CADM2: variants seen among roughly 807,000 people sequenced by gnomAD.
CADM2 encodes the protein cell adhesion molecule 2.
A neutral mutation model predicts 49.8 loss-of-function variants in CADM2; 12 were observed. The observed-to-expected ratio is 0.24, with a 90% CI of 0.15 to 0.39. The LOEUF is 0.39. CADM2 is among the 10% of genes least tolerant of loss of function. The pLI, the probability that CADM2 is intolerant of heterozygous loss-of-function variation, is 1.00. For missense variants in CADM2, 378 were observed against 492.3 expected, an observed-to-expected ratio of 0.77 and a Z score of 2.20; for synonymous variants, 214 against 175.4, an observed-to-expected ratio of 1.22 and a Z score of -1.74.
intron 1 of CADM2, among the ~76,000 whole-genome samples, chr3:85,543,420 A>ATGTGTGTGGGGGGGTGTGTGTGTGTGGG (rs372108050): frequency 7.7e-6 from 1 of 129,584 alleles, no homozygotes; most frequent in Non-Finnish European, 1.7e-5. Context: ...TGCCAAGCTA[A>ATGTGTGTGGGGGGGTGTGTGTGTGTGGG]TGTGTGTGTG....
intron 1 of CADM2, among the ~76,000 whole-genome samples, chr3:85,631,753 C>G (rs1038799520): frequency 6.6e-6 from 1 of 151,756 alleles, no homozygotes; most frequent in Non-Finnish European, 1.5e-5. Flanking sequence ...ATTTTCTTAC[C>G]AATATTGTTT....
intron 5 of CADM2, among the ~76,000 whole-genome samples, chr3:85,902,628 A>T (rs1038882088): frequency 1.6e-4 from 24 of 151,300 alleles, no homozygotes; most frequent in African/African-American, 5.8e-4. Flanking sequence ...TTTTTGTTTT[A>T]TGTTCATTCT....
intron 2 of CADM2, among the ~76,000 whole-genome samples, chr3:85,742,842 G>A (rs1451895159): frequency 3.3e-5 from 5 of 152,102 alleles, no homozygotes; most frequent in Admixed American, 2.6e-4. Context: ...AGCACTTCTC[G>A]AATTCCTATC....
At chr3:86,017,859 ATTTAT>A (rs1228625308) in intron 8 of CADM2, among the ~76,000 whole-genome samples, 5 of 149,266 alleles carry the variant, frequency 3.3e-5, no homozygotes, top group East Asian at 2.0e-4. Context: ...AAAGTCTTTT[ATTTAT>A]TTTATTTTAT....
At chr3:85,159,348 C>T (rs1257393574) in intron 1 of CADM2, among the ~76,000 whole-genome samples, 1 of 136,374 alleles carries the variant, frequency 7.3e-6, no homozygotes, top group African/African-American at 3.7e-5. Flanking sequence ...AATCCATCTT[C>T]CCCAGGAGTT....
chr3:85,370,866 T>C (rs1156879192), intron 1 of CADM2, among the ~76,000 whole-genome samples: 1 of 152,154 alleles, frequency 6.6e-6, no homozygotes, highest in Non-Finnish European at 1.5e-5. Flanking sequence ...GTGATGCTGA[T>C]GATGTCGACC....
rs188463531 is a variant in CADM2, at chr3:85,506,092, G to A, written c.62-220430G>A. On this transcript the variant is annotated intron_variant, in intron 1 of 9. Coordinates refer to ENST00000383699, the MANE Select transcript of CADM2 (RefSeq NM_001167675.2). ...CTGCAATTTCTACTATCAGCACCAGGGTGTACAGAGGAGTAAACTATTTCC... is the reference window on the plus strand; with the variant it reads ...CTGCAATTTCTACTATCAGCACCAGAGTGTACAGAGGAGTAAACTATTTCC... Among the ~76,000 whole-genome samples the A allele has an allele frequency of 3.0e-4, 46 of 152,174 alleles. No individual in the cohort carries two copies. In the East Asian group the frequency reaches 7.5e-3, roughly 25 times the overall value.
rs539673299 is a variant in CADM2, at chr3:85,942,581, G to A, written c.791+6724G>A. ...TTCCCACCTATGAGTGAGAATATGC[G>A]GTGTATGTTTTTTTGTTCTTGCGAT... On this transcript the variant is annotated intron_variant, in intron 7 of 9. Transcript: ENST00000383699. 1.1e-3 allele frequency among the ~76,000 whole-genome samples: 162 copies of A among 149,864 alleles called. 1 individual carries two copies. The highest frequency in any genetic ancestry group is 3.4e-3 in the African/African-American group (141 of 40,998).
chr3:85,763,076 A>G (rs1179590078), intron 2 of CADM2, among the ~76,000 whole-genome samples: 1 of 152,168 alleles, frequency 6.6e-6, no homozygotes, highest in East Asian at 1.9e-4. Context: ...TGATAAGACA[A>G]TGAGTTCCTT....
intron 1 of CADM2, among the ~76,000 whole-genome samples, chr3:85,263,071 C>A (rs1003022298): frequency 1.3e-5 from 2 of 152,048 alleles, no homozygotes; most frequent in Non-Finnish European, 2.9e-5. Flanking sequence ...CAGGTCACTG[C>A]AACCTCTGCC....
chr3:85,070,236 T>G (rs539127924), intron 1 of CADM2, among the ~76,000 whole-genome samples: 22 of 152,262 alleles, frequency 1.4e-4, no homozygotes, highest in African/African-American at 4.8e-4. Flanking sequence ...GGCGATTATG[T>G]GGGCTAAAAT....
At chr3:85,546,312 A>T (rs2061669168) in intron 1 of CADM2, among the ~76,000 whole-genome samples, 1 of 152,200 alleles carries the variant, frequency 6.6e-6, no homozygotes, top group Non-Finnish European at 1.5e-5. Context: ...TGGAATTTTT[A>T]CATTTTGAGT....
intron 8 of CADM2, among the ~76,000 whole-genome samples, chr3:86,041,725 G>A (rs896171019): frequency 6.6e-6 from 1 of 152,118 alleles, no homozygotes; most frequent in South Asian, 2.1e-4. Context: ...TCTGCACCAA[G>A]GGGACATAAT....
At chr3:85,016,397 G>A (rs2107274880) in intron 1 of CADM2, among the ~76,000 whole-genome samples, 1 of 152,358 alleles carries the variant, frequency 6.6e-6, no homozygotes, top group East Asian at 1.9e-4. Context: ...TTTAGAGGAT[G>A]CAGTTATGAG....
At chr3:85,675,419 A>G (rs970411428) in intron 1 of CADM2, among the ~76,000 whole-genome samples, 1 of 152,188 alleles carries the variant, frequency 6.6e-6, no homozygotes. Flanking sequence ...ATTGTTGTTC[A>G]ATTTTTAAGG....
At chr3:85,022,366 T>C (rs1229806217) in intron 1 of CADM2, among the ~76,000 whole-genome samples, 1 of 152,186 alleles carries the variant, frequency 6.6e-6, no homozygotes, top group Non-Finnish European at 1.5e-5. Flanking sequence ...TATTCTTGAT[T>C]TATGGTGCAG....
chr3:86,013,266 G>GAA (rs1163450120), intron 8 of CADM2: 1 of 1,507,314 alleles, frequency 6.6e-7, no homozygotes, highest in African/African-American at 1.4e-5. Flanking sequence ...CCCCAGTGAA[G>GAA]AAGAGGGTGA....
chr3:85,194,096 A>T (rs868140840), intron 1 of CADM2, among the ~76,000 whole-genome samples: 2 of 152,080 alleles, frequency 1.3e-5, no homozygotes, highest in African/African-American at 4.8e-5. Flanking sequence ...TAAAATCTGG[A>T]GGATATGTTG....
intron 1 of CADM2, among the ~76,000 whole-genome samples, chr3:85,663,915 A>G (rs1486417180): frequency 1.3e-5 from 2 of 151,964 alleles, no homozygotes; most frequent in Non-Finnish European, 2.9e-5. Context: ...ACTGCCATCA[A>G]ACTGTTCTAG....
Sources: gnomAD v4.1 joint callset for allele counts (sites outside exome capture counted in the v4.1 genomes callset) on GRCh38, gnomAD v4.1.1 for gene constraint, MANE v1.5 for transcripts, NCBI Gene and HGNC (gene_info 2026-07-23, HGNC 2026-07-21) for gene names.